EYA1: variants seen among roughly 807,000 people sequenced by gnomAD.
The protein encoded by EYA1 is EYA transcriptional coactivator and phosphatase 1.
In EYA1, 16 loss-of-function variants were observed where a neutral mutation model predicts 82.0. The ratio of observed to expected loss-of-function variants is 0.20; its 90% CI spans 0.13 to 0.30. The LOEUF (loss-of-function observed/expected upper bound fraction) is 0.30. Among genes scored for constraint, EYA1 ranks in the 10% least tolerant of loss-of-function variants. The pLI is 1.00. For synonymous variants in EYA1, 261 were observed against 264.4 expected, an observed-to-expected ratio of 0.99 and a Z score of 0.12; for missense variants, 633 against 730.7, an observed-to-expected ratio of 0.87 and a Z score of 1.54.
chr8:71,263,930 T>A (rs1332380264), intron 11 of EYA1, among the ~76,000 whole-genome samples: 14 of 152,118 alleles, frequency 9.2e-5, no homozygotes, highest in Non-Finnish European at 2.9e-5. Flanking sequence ...TATATAAAAT[T>A]CAAATTTGGG....
intron 9 of EYA1, among the ~76,000 whole-genome samples, chr8:71,295,664 T>C (rs1367430584): frequency 6.6e-6 from 1 of 152,206 alleles, no homozygotes; most frequent in Non-Finnish European, 1.5e-5. Context: ...TGGAAGTTTC[T>C]TCTAAAGCTA....
chr8:71,403,696 A>G (rs1289403066), intron 2 of EYA1: 2 of 152,218 alleles, frequency 1.3e-5, no homozygotes, highest in African/African-American at 4.8e-5. Context: ...ATACAGCCAT[A>G]TCTATGAACC....
chr8:71,425,903 A>T (rs1316396192), intron 2 of EYA1, among the ~76,000 whole-genome samples: 1 of 152,240 alleles, frequency 6.6e-6, no homozygotes, highest in Non-Finnish European at 1.5e-5. Flanking sequence ...TTCTAAGACC[A>T]ATGCATCTCC....
intron 2 of EYA1, among the ~76,000 whole-genome samples, chr8:71,530,663 A>C (rs1161724741): frequency 6.6e-6 from 1 of 152,238 alleles, no homozygotes; most frequent in Non-Finnish European, 1.5e-5. Flanking sequence ...ACTTCTGCTA[A>C]AGAGTGGGTT....
At chr8:71,265,960 G>A (rs141397008) in intron 11 of EYA1, among the ~76,000 whole-genome samples, 100 of 152,218 alleles carry the variant, frequency 6.6e-4, no homozygotes, top group Admixed American at 2.5e-3. Context: ...AACACCCAAC[G>A]TGCCTTCTTC....
intron 7 of EYA1, among the ~76,000 whole-genome samples, chr8:71,313,598 T>G (rs1456898751): frequency 6.6e-6 from 1 of 152,196 alleles, no homozygotes; most frequent in Non-Finnish European, 1.5e-5. Context: ...ATCTCAATGA[T>G]ATCTCACAAC....
intron 2 of EYA1, among the ~76,000 whole-genome samples, chr8:71,423,241 A>C (rs764916408): frequency 6.6e-6 from 1 of 152,194 alleles, no homozygotes; most frequent in African/African-American, 2.4e-5. Context: ...AACATTCTCA[A>C]AGATTGAATG....
chr8:71,525,230 T>C (rs982174096), intron 2 of EYA1, among the ~76,000 whole-genome samples: 11 of 152,194 alleles, frequency 7.2e-5, no homozygotes, highest in African/African-American at 2.4e-4. Flanking sequence ...AGGTATGCAC[T>C]GAATTAACGT....
intron 7 of EYA1, among the ~76,000 whole-genome samples, chr8:71,313,786 T>C (rs891723991): frequency 1.3e-5 from 2 of 152,190 alleles, no homozygotes; most frequent in Non-Finnish European, 2.9e-5. Context: ...CTCCAGTCTT[T>C]CTAAGTCTGA....
At chr8:71,379,802 C>T (rs1185293113) in intron 2 of EYA1, among the ~76,000 whole-genome samples, 1 of 151,064 alleles carries the variant, frequency 6.6e-6, no homozygotes, top group Admixed American at 6.6e-5. Context: ...GTGTACAGAG[C>T]ACCCTTGGCA....
intron 2 of EYA1, among the ~76,000 whole-genome samples, chr8:71,484,866 G>T (rs1383987425): frequency 2.0e-5 from 3 of 152,298 alleles, no homozygotes; most frequent in South Asian, 2.1e-4. Context: ...CTCCAGACTG[G>T]CCTGTCCCGG....
intron 9 of EYA1, among the ~76,000 whole-genome samples, chr8:71,284,238 T>C (rs1226183229): frequency 1.3e-5 from 2 of 152,234 alleles, no homozygotes; most frequent in Non-Finnish European, 2.9e-5. Flanking sequence ...GCTTGGGTGA[T>C]GGAACCCTCA....
chr8:71,317,469 T>C (rs1369767267), intron 7 of EYA1, 83 bp downstream of exon 7: 28 of 1,432,366 alleles, frequency 2.0e-5, no homozygotes, highest in Non-Finnish European at 2.6e-5. Context: ...TCATTTACTA[T>C]TTACATGGAA....
chr8:71,315,859 T>C (rs78833186), intron 7 of EYA1, among the ~76,000 whole-genome samples: 3,343 of 152,296 alleles, frequency 0.022, 135 homozygotes, highest in African/African-American at 0.075. Flanking sequence ...TTATAATCAC[T>C]GAATATGTCA....
chr8:71,423,800 A>T (rs2129152412), intron 2 of EYA1, among the ~76,000 whole-genome samples: 1 of 152,336 alleles, frequency 6.6e-6, no homozygotes, highest in South Asian at 2.1e-4. Flanking sequence ...TTGATTCAAA[A>T]GGCATACATT....
At chr8:71,236,111 G>A (rs918128501) in intron 12 of EYA1, among the ~76,000 whole-genome samples, 6 of 152,012 alleles carry the variant, frequency 3.9e-5, no homozygotes, top group Admixed American at 2.0e-4. Flanking sequence ...CACAATCTTG[G>A]CTCACTGCAA....
At chr8:71,284,856 CCTT>C (rs1332982526) in intron 9 of EYA1, among the ~76,000 whole-genome samples, 9 of 152,182 alleles carry the variant, frequency 5.9e-5, no homozygotes, top group African/African-American at 2.2e-4. Context: ...GAGAATTTCA[CCTT>C]CTTTGTTAAT....
chr8:71,428,619 T>C (rs1198780908), intron 2 of EYA1, among the ~76,000 whole-genome samples: 1 of 152,204 alleles, frequency 6.6e-6, no homozygotes, highest in Non-Finnish European at 1.5e-5. Flanking sequence ...CCACTGGCTG[T>C]CTAGTTACCT....
At chr8:71,205,696 T>C (rs1807677221) in intron 17 of EYA1, among the ~76,000 whole-genome samples, 1 of 152,220 alleles carries the variant, frequency 6.6e-6, no homozygotes, top group South Asian at 2.1e-4. Context: ...GATGACAGAA[T>C]AGATTTCAAT....
Sources: gnomAD v4.1 joint callset for allele counts (sites outside exome capture counted in the v4.1 genomes callset) on GRCh38, gnomAD v4.1.1 for gene constraint, MANE v1.5 for transcripts, NCBI Gene and HGNC (gene_info 2026-07-23, HGNC 2026-07-21) for gene names.